Variants in ERP29 observed in about 807,000 individuals in gnomAD.
ERP29 encodes the protein endoplasmic reticulum resident protein 29.
Under a neutral mutation model 21.7 loss-of-function variants are expected in ERP29, and 14 were observed. The observed-to-expected ratio is 0.64, with a 90% CI of 0.43 to 1.01. ERP29 has a LOEUF of 1.01. ERP29 is among the 50% of genes least tolerant of loss of function. ERP29 has a pLI of 0.00. For synonymous variants in ERP29, 129 were observed against 139.1 expected (o/e 0.93, Z 0.51); for missense variants, 286 against 327.3 (o/e 0.87, Z 0.97).
intron 2 of ERP29, among the ~76,000 whole-genome samples, chr12:112,020,427 C>G (rs905782244): frequency 6.6e-6 from 1 of 152,148 alleles, no homozygotes; most frequent in Non-Finnish European, 1.5e-5. Flanking sequence ...TAAATCTTCA[C>G]TTGAACTCTG....
At chr12:112,022,006 A>C in intron 2 of ERP29, 144 bp from the exon 3 acceptor site, 1 of 708,156 alleles carries the variant, frequency 1.4e-6, no homozygotes, top group Non-Finnish European at 2.4e-6. Context: ...GAATTCAAAC[A>C]CAGGTCTGTA....
Position 112,013,489 on chromosome 12 carries a change from C to T in ERP29, c.24C>T (p.Ala8=). 1 of 1,613,050 alleles carries T rather than the reference C, an allele frequency of 6.2e-7. No individual in the cohort carries two copies. Among genetic ancestry groups the T allele is most frequent in the Non-Finnish European group, 8.5e-7 (1 of 1,179,572 alleles). The stretch of plus-strand genomic sequence containing the variant: ...ATATGGCTGCCGCTGTGCCCCGCGC[C>T]GCATTTCTCTCCCCGCTGCTTCCCC... MAAAVPR[A]AFLSPLLPLL... Residue 8 remains alanine, a synonymous_variant, in exon 1 of 3, where the codon GCC becomes GCT. Coordinates refer to ENST00000261735, the MANE Select transcript of ERP29 (RefSeq NM_006817.4).
rs2078063168 is a variant in ERP29, at chr12:112,023,346, G to A, written c.*694G>A. ...GTGACTTGGATTTACACAGCTAAAT[G>A]ATATAGTCCGATTTCAAAATTAAAA... is the stretch of plus-strand genomic sequence containing the variant. On this transcript the variant is annotated 3_prime_UTR_variant, in exon 3 of 3. Coordinates refer to ENST00000261735, the MANE Select transcript of ERP29 (RefSeq NM_006817.4). The A allele has an allele frequency of 1.3e-5, 2 of 152,198 alleles. No homozygotes were observed. The highest frequency in any genetic ancestry group is 4.8e-5 in the African/African-American group (2 of 41,446). The allele number at this position is 152,198 out of a possible 1,614,324, so 9.4% of individuals were successfully genotyped here.
intron 1 of ERP29, 83 bp downstream of exon 1, chr12:112,013,692 G>T: frequency 7.2e-7 from 1 of 1,383,856 alleles, no homozygotes; most frequent in Non-Finnish European, 9.6e-7. Context: ...GCTGGATTCC[G>T]GGAGCTGACG....
chr12:112,022,603 A>T lies in ERP29; in HGVS notation c.737A>T (p.Asn246Ile), dbSNP rs1014400414. The change falls in exon 3 of 3, where the codon AAC becomes ATC. Residue 246 changes from asparagine (N) to isoleucine (I), a missense_variant. By Grantham distance (149) the Asn-to-Ile change is moderately radical. Coordinates refer to ENST00000261735, the MANE Select transcript of ERP29 (RefSeq NM_006817.4). ...GKKEELQKSL[N>I]ILTAFQKKGA... Reference sequence around the variant, plus strand: ...AAGGAGGAGCTCCAGAAGAGCTTAAACATCCTGACTGCCTTCCAGAAGAAG... The same window carrying T: ...AAGGAGGAGCTCCAGAAGAGCTTAATCATCCTGACTGCCTTCCAGAAGAAG... 1 of 1,613,726 alleles carries T rather than the reference A, an allele frequency of 6.2e-7. No individual in the cohort carries two copies. Among genetic ancestry groups the T allele is most frequent in the Middle Eastern group, 1.7e-4 (1 of 6,058 alleles).
rs537915590 is a variant in ERP29, at chr12:112,017,795, T to C, written c.145-1961T>C. On this transcript the variant is annotated intron_variant, in intron 1 of 2. Coordinates refer to ENST00000261735, the MANE Select transcript of ERP29 (RefSeq NM_006817.4). Reference sequence around the variant, plus strand: ...TATCTTTTTTTTTCTTTTTTTTTTTTTTTTTTGAGGTGGAGTTTCATTCTT... The same window carrying C: ...TATCTTTTTTTTTCTTTTTTTTTTTCTTTTTTGAGGTGGAGTTTCATTCTT... Among the ~76,000 whole-genome samples the C allele has an allele frequency of 3.7e-3, 558 of 150,074 alleles. 3 individuals are homozygous for C. Among genetic ancestry groups the C allele is most frequent in the Middle Eastern group, 0.017 (5 of 292 alleles).
At chr12:112,020,299 G>A (rs376500206) in intron 2 of ERP29, among the ~76,000 whole-genome samples, 32 of 152,274 alleles carry the variant, frequency 2.1e-4, no homozygotes, top group African/African-American at 7.5e-4. Context: ...TTTGGTGTTA[G>A]CTCAAATGCA....
At chr12:112,022,043 C>T (rs117554347) in intron 2 of ERP29, 107 bp from the exon 3 acceptor site, 631 of 1,146,146 alleles carry the variant, frequency 5.5e-4, no homozygotes, top group Admixed American at 1.3e-3. Context: ...TGAACCATTA[C>T]ACGGCCAAGA....
Position 112,022,208 on chromosome 12 carries a change from C to T in ERP29, c.342C>T (p.Ser114=). The change falls in exon 3 of 3, where the codon AGC becomes AGT. Residue 114 remains serine, a synonymous_variant. Transcript: ENST00000261735. ...AGAAATACAAGCTGGACAAAGAGAG[C>T]TACCCAGTCTTCTACCTCTTCCGGG... ...LSEKYKLDKE[S]YPVFYLFRDG... is the part of the protein sequence containing the mutation. The T allele has an allele frequency of 6.2e-7, 1 of 1,614,084 alleles. No homozygotes were observed.
rs138087353 is a variant in ERP29 at position 112,023,290 on chromosome 12, T to C, written c.*638T>C. 6.6e-6 allele frequency: 1 copy of C among 152,366 alleles called. No individual in the cohort carries two copies. Among genetic ancestry groups the C allele is most frequent in the East Asian group, 1.9e-4 (1 of 5,192 alleles). The allele number at this position is 152,366 out of a possible 1,614,324, so 9.4% of individuals were successfully genotyped here. On this transcript the variant is annotated 3_prime_UTR_variant, in exon 3 of 3. Coordinates refer to ENST00000261735, the MANE Select transcript of ERP29 (RefSeq NM_006817.4). ...TTTTCCATGCTTTGTGAGGTACACA[T>C]AGCAAATTCTTAGTTTTACTGATAT...
intron 1 of ERP29, among the ~76,000 whole-genome samples, chr12:112,015,988 CTTGAT>C (rs1268431800): frequency 6.6e-6 from 1 of 152,060 alleles, no homozygotes; most frequent in Admixed American, 6.6e-5. Flanking sequence ...AGAGTTCTTC[CTTGAT>C]TTATCTTCCC....
chr12:112,022,534 G>C lies in ERP29; in HGVS notation c.668G>C (p.Arg223Pro). 2 of 1,614,216 alleles carry C rather than the reference G, an allele frequency of 1.2e-6. No individual in the cohort carries two copies. Among genetic ancestry groups the C allele is most frequent in the South Asian group, 2.2e-5 (2 of 91,078 alleles). ...GEDFPASEMT[R>P]IARLIEKNKM... is the part of the protein sequence containing the mutation. ...GACTTCCCAGCATCAGAGATGACACGGATCGCCAGGCTGATTGAGAAGAAC... is the reference window on the plus strand; with the variant it reads ...GACTTCCCAGCATCAGAGATGACACCGATCGCCAGGCTGATTGAGAAGAAC... Residue 223 changes from arginine to proline, a missense_variant, in exon 3 of 3, where the codon CGG (arginine) becomes CCG (proline). Transcript: ENST00000261735.
rs1373628299 is a variant in ERP29 at position 112,022,563 on chromosome 12, A to G, written c.697A>G (p.Met233Val). Residue 233 changes from methionine to valine, a missense_variant, in exon 3 of 3, where the codon ATG becomes GTG. Coordinates refer to ENST00000261735, the MANE Select transcript of ERP29 (RefSeq NM_006817.4). ...RIARLIEKNK[M>V]SDGKKEELQK... ...CGCCAGGCTGATTGAGAAGAACAAGATGAGTGACGGGAAGAAGGAGGAGCT... is the reference window on the plus strand; with the variant it reads ...CGCCAGGCTGATTGAGAAGAACAAGGTGAGTGACGGGAAGAAGGAGGAGCT... The G allele has an allele frequency of 6.2e-7, 1 of 1,614,170 alleles. No homozygotes were observed.
At chr12:112,016,649 G>T (rs1238039270) in intron 1 of ERP29, among the ~76,000 whole-genome samples, 1 of 152,160 alleles carries the variant, frequency 6.6e-6, no homozygotes, top group South Asian at 2.1e-4. Context: ...AGACCACTTC[G>T]GGAGGCCGAG....
chr12:112,017,842 T>TGGCGCGATCTCGGCTC (rs1565988323), intron 1 of ERP29, among the ~76,000 whole-genome samples: 7 of 147,478 alleles, frequency 4.7e-5, no homozygotes, highest in Non-Finnish European at 1.5e-5. Context: ...TGGAGTGCAG[T>TGGCGCGATCTCGGCTC]GGCGCGATCT....
chr12:112,019,923 G>C lies in ERP29; in HGVS notation c.283+29G>C, dbSNP rs180820862. The C allele has an allele frequency of 1.1e-4, 174 of 1,612,728 alleles. 1 individual carries two copies. The highest frequency in any genetic ancestry group is 1.7e-4 in the Middle Eastern group (1 of 6,056). On this transcript the variant is annotated intron_variant, in intron 2 of 2. Transcript: ENST00000261735. Reference sequence around the variant, plus strand: ...TGGACAAGTCCAGGACGGCTGGGGGGGCAGAGAGGGAGGAAGCTAGAAATC... The same window carrying C: ...TGGACAAGTCCAGGACGGCTGGGGGCGCAGAGAGGGAGGAAGCTAGAAATC...
chr12:112,017,041 A>G (rs2078016334), intron 1 of ERP29, among the ~76,000 whole-genome samples: 1 of 152,218 alleles, frequency 6.6e-6, no homozygotes, highest in African/African-American at 2.4e-5. Flanking sequence ...ATGTTAGACC[A>G]CTGTATAATT....
chr12:112,013,675 G>C, intron 1 of ERP29, 66 bp downstream of exon 1: 1 of 1,450,792 alleles, frequency 6.9e-7, no homozygotes. Flanking sequence ...CGCGCCCGTG[G>C]GGAGACGCTG....
chr12:112,023,115 A>C lies in ERP29; in HGVS notation c.*463A>C, dbSNP rs2078061872. On this transcript the variant is annotated 3_prime_UTR_variant, in exon 3 of 3. Coordinates refer to ENST00000261735, the MANE Select transcript of ERP29 (RefSeq NM_006817.4). ...CAAACTATCCTCATAACACTGTGGA[A>C]ACTGGCATACCTTTGTTATTTTCCA... The C allele has an allele frequency of 6.5e-6, 1 of 154,496 alleles. No individual in the cohort carries two copies. The allele number at this position is 154,496 out of a possible 1,614,324, so 9.6% of individuals were successfully genotyped here. A position where few individuals can be genotyped will look rare whatever the true frequency, so the allele number is the denominator to read the frequency against.
Sources: allele counts gnomAD v4.1 joint callset (sites outside exome capture counted in the v4.1 genomes callset), GRCh38; gene constraint gnomAD v4.1.1; transcripts MANE v1.5; gene names NCBI Gene and HGNC (gene_info 2026-07-23, HGNC 2026-07-21).